SRD5A2: variants seen among roughly 807,000 people sequenced by gnomAD.
SRD5A2 encodes 3-oxo-5-alpha-steroid 4-dehydrogenase 2.
In SRD5A2, 30 loss-of-function variants were observed where a neutral mutation model predicts 27.4. The ratio of observed to expected loss-of-function variants is 1.10; its 90% CI spans 0.82 to 1.49. SRD5A2 has a LOEUF of 1.49. Among genes scored for constraint, SRD5A2 ranks in the 40% most tolerant of loss-of-function variants. The probability of loss-of-function intolerance (pLI) is 0.00; values close to 1 mark genes in which losing one functional copy is unlikely to be tolerated. For missense variants in SRD5A2, 348 were observed against 323.4 expected, an observed-to-expected ratio of 1.08 and a Z score of -0.58; for synonymous variants, 141 against 133.6, an observed-to-expected ratio of 1.06 and a Z score of -0.38.
chr2:31,636,805 T>C, the SRD5A2 span, among the ~76,000 whole-genome samples: 4 of 152,134 alleles, frequency 2.6e-5, no homozygotes, highest in Non-Finnish European at 5.9e-5. Context: ...ACTAACCTTG[T>C]ATCTCTGGAA....
the SRD5A2 span, among the ~76,000 whole-genome samples, chr2:31,638,739 TTC>T: frequency 4.6e-5 from 7 of 151,928 alleles, no homozygotes; most frequent in African/African-American, 9.7e-5. Context: ...TAGCTATTTC[TTC>T]TCTTTTTTTT....
the SRD5A2 span, among the ~76,000 whole-genome samples, chr2:31,586,208 C>A: frequency 2.6e-5 from 4 of 152,180 alleles, no homozygotes; most frequent in South Asian, 6.2e-4. Flanking sequence ...CTCACACTTT[C>A]CCCCGAGTCC....
Position 31,533,688 on chromosome 2 carries a change from A to G in SRD5A2, c.360T>C (p.Thr120=). Residue 120 remains threonine (T), a synonymous_variant, in exon 2 of 5, where the codon ACT becomes ACC. Coordinates refer to ENST00000622030, the MANE Select transcript of SRD5A2 (RefSeq NM_000348.4). ...ILILRGTAFC[T]GNGVLQGYYL... ...AGTAGCCTTGAAGGACTCCATTTCC[A>G]GTGCAGAAGGCAGTGCCTCTGAGAA... The G allele has an allele frequency of 6.3e-7, 1 of 1,584,544 alleles. No homozygotes were observed.
chr2:31,559,082 A>C (rs1248599211), intron 1 of SRD5A2, among the ~76,000 whole-genome samples: 1 of 152,214 alleles, frequency 6.6e-6, no homozygotes, highest in Non-Finnish European at 1.5e-5. Flanking sequence ...CACCATGGCC[A>C]GATCTCCCCC....
intron 1 of SRD5A2, among the ~76,000 whole-genome samples, chr2:31,573,593 G>T (rs1220703343): frequency 1.3e-5 from 2 of 152,178 alleles, no homozygotes; most frequent in Non-Finnish European, 2.9e-5. Context: ...AAATATTTAT[G>T]CTCCCCCTAC....
At chr2:31,642,005 A>G in the SRD5A2 span, among the ~76,000 whole-genome samples, 1 of 152,102 alleles carries the variant, frequency 6.6e-6, no homozygotes, top group African/African-American at 2.4e-5. Flanking sequence ...GAGACATACT[A>G]AAAAGATATC....
At chr2:31,635,798 GA>G in the SRD5A2 span, among the ~76,000 whole-genome samples, 1 of 151,938 alleles carries the variant, frequency 6.6e-6, no homozygotes, top group Non-Finnish European at 1.5e-5. Flanking sequence ...ACAATTTATT[GA>G]AAAGGATTTT....
intron 1 of SRD5A2, among the ~76,000 whole-genome samples, chr2:31,578,027 A>G (rs1319279521): frequency 6.6e-6 from 1 of 152,220 alleles, no homozygotes; most frequent in African/African-American, 2.4e-5. Flanking sequence ...AATCTGTGAT[A>G]ATGTTGGAAA....
the SRD5A2 span, among the ~76,000 whole-genome samples, chr2:31,661,851 ATTT>A: frequency 2.6e-5 from 4 of 151,542 alleles, no homozygotes; most frequent in Admixed American, 1.3e-4. Context: ...TTTTTCAACC[ATTT>A]TTTTTCTCTA....
At chr2:31,549,481 GA>G (rs1310372305) in intron 1 of SRD5A2, among the ~76,000 whole-genome samples, 1 of 152,118 alleles carries the variant, frequency 6.6e-6, no homozygotes, top group Non-Finnish European at 1.5e-5. Flanking sequence ...ACAACATTAA[GA>G]ATGTATTTAA....
chr2:31,582,980 C>T (rs570036251), upstream of SRD5A2, among the ~76,000 whole-genome samples: 100 of 152,224 alleles, frequency 6.6e-4, 1 homozygote, highest in African/African-American at 1.8e-3. Flanking sequence ...TCTTTTCTTC[C>T]GACTCTGCCC....
chr2:31,642,646 C>T, the SRD5A2 span, among the ~76,000 whole-genome samples: 1 of 151,804 alleles, frequency 6.6e-6, no homozygotes, highest in East Asian at 1.9e-4. Flanking sequence ...CTTTATGATC[C>T]AACAATTCAA....
intron 1 of SRD5A2, among the ~76,000 whole-genome samples, chr2:31,577,147 TAA>T (rs71405578): frequency 2.6e-5 from 1 of 38,068 alleles, no homozygotes; most frequent in East Asian, 9.2e-4. Context: ...TAGAGTATAA[TAA>T]AAAAAAAAAC....
In SRD5A2 at chr2:31,524,037, T is replaced by G. The variant is rs1572625523; in HGVS notation, c.*2159A>C. Reference sequence around the variant, plus strand: ...GGACCTAATTAAGTCAAGGTTGGACTAAATACTATTTTAGAAAGCGCCCTC... The same window carrying G: ...GGACCTAATTAAGTCAAGGTTGGACGAAATACTATTTTAGAAAGCGCCCTC... On this transcript the variant is annotated 3_prime_UTR_variant, in exon 5 of 5. Coordinates refer to ENST00000622030, the MANE Select transcript of SRD5A2 (RefSeq NM_000348.4). The G allele has an allele frequency of 4.5e-6, 1 of 221,440 alleles. No homozygotes were observed. The highest frequency in any genetic ancestry group is 9.0e-6 in the Non-Finnish European group (1 of 110,760). 13.7% of individuals were successfully genotyped at this position (221,440 alleles called of 1,614,324 possible). A position where few individuals can be genotyped will look rare whatever the true frequency, so the allele number is the denominator to read the frequency against.
chr2:31,533,741 G>T lies in SRD5A2; in HGVS notation c.307C>A (p.Arg103=), dbSNP rs267599353. ...AGTATAGCTGGATAAGGCCTCCCTC[G>T]ATTGAGCAGTGAGTACACAAATGTC... ...HRTFVYSLLN[R]GRPYPAILIL... Residue 103 remains arginine (R), a synonymous_variant, in exon 2 of 5, where the codon CGA becomes AGA. Transcript: ENST00000622030. 99 of 1,603,408 alleles carry T rather than the reference G, an allele frequency of 6.2e-5. No individual in the cohort carries two copies. In the African/African-American group the frequency reaches 1.1e-3, roughly 18 times the overall value.
the SRD5A2 span, among the ~76,000 whole-genome samples, chr2:31,654,098 C>T: frequency 2.8e-4 from 42 of 150,972 alleles, no homozygotes; most frequent in African/African-American, 1.0e-3. Flanking sequence ...AAAAAAAAAG[C>T]CCAGCAACAG....
the SRD5A2 span, among the ~76,000 whole-genome samples, chr2:31,626,181 T>C: frequency 6.6e-6 from 1 of 152,204 alleles, no homozygotes; most frequent in African/African-American, 2.4e-5. Context: ...TGTATAAGAA[T>C]GCTTGTGATT....
rs147336974 is a variant in SRD5A2, at chr2:31,572,589, A to G, written c.281+8031T>C. ...CATAAACAACTTTTAAAACTCAATA[A>G]TAAGAAAACAAACAACCCAATACAC... On this transcript the variant is annotated intron_variant, in intron 1 of 4. Transcript: ENST00000622030. Among the ~76,000 whole-genome samples the G allele has an allele frequency of 4.7e-4, 72 of 152,366 alleles. 1 individual carries two copies. The East Asian group carries it at 0.013, about 28-fold the overall frequency.
upstream of SRD5A2, among the ~76,000 whole-genome samples, chr2:31,583,630 AAAAAAAAAGCAAAAAAAAAACC>A (rs1558379412): frequency 0.12 from 3,028 of 25,810 alleles, 214 homozygotes; most frequent in African/African-American, 0.23. Context: ...AAAAAAAAAC[AAAAAAAAAGCAAAAAAAAAACC>A]AAAAAAAAAG....
Sources: gnomAD v4.1 joint callset for allele counts (sites outside exome capture counted in the v4.1 genomes callset) on GRCh38, gnomAD v4.1.1 for gene constraint, MANE v1.5 for transcripts, NCBI Gene and HGNC (gene_info 2026-07-23, HGNC 2026-07-21) for gene names.